The following SLC7A14 variants were observed in gnomAD, a reference collection of about 807,000 sequenced individuals.
SLC7A14 encodes the protein solute carrier family 7 member 14, also known as gamma-aminobutyric acid transporter SLC7A14.
In SLC7A14, 37 loss-of-function variants were observed where a neutral mutation model predicts 60.2. The ratio of observed to expected loss-of-function variants is 0.61; its 90% confidence interval spans 0.47 to 0.81. The LOEUF (loss-of-function observed/expected upper bound fraction) is 0.81. Ranked by LOEUF, SLC7A14 falls within the 30% of genes least tolerant of loss-of-function variation. The probability of loss-of-function intolerance (pLI) is 0.00; values close to 1 mark genes in which losing one functional copy is unlikely to be tolerated. For synonymous variants in SLC7A14, 399 were observed against 395.8 expected (o/e 1.01, Z -0.10); for missense variants, 886 against 982.7 (o/e 0.90, Z 1.32).
chr3:170,582,143 C>T (rs1356729995), intron 1 of SLC7A14, among the ~76,000 whole-genome samples: 1 of 152,126 alleles, frequency 6.6e-6, no homozygotes, highest in African/African-American at 2.4e-5. Context: ...GCCTAATTGT[C>T]CTAGGTATCT....
intron 1 of SLC7A14, among the ~76,000 whole-genome samples, chr3:170,571,879 T>C (rs1714964642): frequency 6.6e-6 from 1 of 151,430 alleles, no homozygotes; most frequent in African/African-American, 2.4e-5. Context: ...GCCAATATGG[T>C]GAAACCCCAT....
Position 170,524,128 on chromosome 3 carries a change from G to C in SLC7A14, c.304+2505C>G, listed in dbSNP as rs75580511. ...GGCCTCAATTACTGGGCAGGACCAGGGTCTTTAGTGGAGGTGGCCTAGTGA... is the reference window on the plus strand; with the variant it reads ...GGCCTCAATTACTGGGCAGGACCAGCGTCTTTAGTGGAGGTGGCCTAGTGA... On this transcript the variant is annotated intron_variant, in intron 2 of 7. Transcript: ENST00000231706. 3.9e-3 allele frequency among the ~76,000 whole-genome samples: 595 copies of C among 152,228 alleles called. 3 individuals carry two copies. The highest frequency in any genetic ancestry group is 6.8e-3 in the Non-Finnish European group (460 of 68,012).
chr3:170,523,944 T>G (rs1183734908), intron 2 of SLC7A14, among the ~76,000 whole-genome samples: 1 of 152,174 alleles, frequency 6.6e-6, no homozygotes, highest in Non-Finnish European at 1.5e-5. Context: ...GTTATGATAT[T>G]TTGGTCCTGG....
At chr3:170,512,338 CA>C (rs1290036729) in intron 2 of SLC7A14, among the ~76,000 whole-genome samples, 8 of 152,162 alleles carry the variant, frequency 5.3e-5, no homozygotes, top group Non-Finnish European at 1.2e-4. Context: ...GGAGCCACAG[CA>C]AATCTTTCAT....
intron 1 of SLC7A14, among the ~76,000 whole-genome samples, chr3:170,537,121 A>G (rs928859664): frequency 1.3e-5 from 2 of 152,212 alleles, no homozygotes; most frequent in African/African-American, 4.8e-5. Context: ...ACAAATGGCT[A>G]CAAATGTAGT....
intron 1 of SLC7A14, among the ~76,000 whole-genome samples, chr3:170,562,078 T>C (rs940354146): frequency 2.6e-5 from 4 of 152,180 alleles, no homozygotes; most frequent in Non-Finnish European, 4.4e-5. Flanking sequence ...TGGAAAACAG[T>C]GTGGAGATTC....
At position 170,561,130 on chromosome 3, in the gene SLC7A14, G is replaced by A. The variant is rs185545541; in HGVS notation, c.-153+24781C>T. Among the ~76,000 whole-genome samples the A allele has an allele frequency of 2.9e-3, 435 of 152,138 alleles. 2 individuals are homozygous for A. The highest frequency in any genetic ancestry group is 4.8e-3 in the South Asian group (23 of 4,812). ...TCTCCTCATTCTCTGGTTCTAAACT[G>A]GTATGACTACTACTTCTGATAATGC... On this transcript the variant is annotated intron_variant, in intron 1 of 7. Coordinates refer to ENST00000231706, the MANE Select transcript of SLC7A14 (RefSeq NM_020949.3).
chr3:170,513,811 A>G (rs1713062854), intron 2 of SLC7A14, among the ~76,000 whole-genome samples: 1 of 152,162 alleles, frequency 6.6e-6, no homozygotes. Context: ...GTTGGCCTTC[A>G]TCACACCCCA....
At chr3:170,533,215 A>G (rs540128055) in intron 1 of SLC7A14, among the ~76,000 whole-genome samples, 55 of 152,254 alleles carry the variant, frequency 3.6e-4, no homozygotes, top group African/African-American at 1.1e-3. Flanking sequence ...TGTTTGCACC[A>G]TAACTGGGGA....
At chr3:170,542,627 C>G (rs1314655390) in intron 1 of SLC7A14, among the ~76,000 whole-genome samples, 1 of 152,216 alleles carries the variant, frequency 6.6e-6, no homozygotes, top group Non-Finnish European at 1.5e-5. Flanking sequence ...TGTTCAAGTC[C>G]TCCTTCTTAA....
In SLC7A14 at chr3:170,467,112, G is replaced by C. The variant is rs1200356300; in HGVS notation, c.2259C>G (p.His753Gln). 2 of 1,614,058 alleles carry C rather than the reference G, an allele frequency of 1.2e-6. No individual in the cohort carries two copies. The highest frequency in any genetic ancestry group is 1.7e-6 in the Non-Finnish European group (2 of 1,180,052). ...CAATCAGGGCCTCTGAGTTCTGTTT[G>C]TGTTTGCTTTTGCTCTTCGCTTTGC... is the stretch of plus-strand genomic sequence containing the variant. The part of the protein sequence containing the change: ...TSSKAKSKSK[H>Q]KQNSEALIAN... The change falls in exon 8 of 8, where the codon CAC becomes CAG. Residue 753 changes from histidine to glutamine, a missense_variant. Transcript: ENST00000231706.
intron 2 of SLC7A14, among the ~76,000 whole-genome samples, chr3:170,515,170 C>T (rs1055918265): frequency 1.3e-5 from 2 of 151,772 alleles, no homozygotes; most frequent in African/African-American, 4.8e-5. Flanking sequence ...AAAATTATCC[C>T]TGCAGGGTGG....
chr3:170,511,999 T>C (rs1425703316), intron 2 of SLC7A14, among the ~76,000 whole-genome samples: 2 of 152,208 alleles, frequency 1.3e-5, no homozygotes, highest in Non-Finnish European at 2.9e-5. Flanking sequence ...AAAGGCTTTG[T>C]GCAGAAAAGG....
At chr3:170,537,874 T>C (rs1039533868) in intron 1 of SLC7A14, among the ~76,000 whole-genome samples, 1 of 152,180 alleles carries the variant, frequency 6.6e-6, no homozygotes, top group African/African-American at 2.4e-5. Flanking sequence ...TATAATGTTA[T>C]CCCAGGCTTG....
intron 7 of SLC7A14, among the ~76,000 whole-genome samples, chr3:170,475,706 C>T (rs1711590847): frequency 6.6e-6 from 1 of 151,742 alleles, no homozygotes; most frequent in African/African-American, 2.4e-5. Context: ...GGGTGGAGTT[C>T]AAAAATCACA....
intron 7 of SLC7A14, 90 bp from the exon 8 acceptor site, chr3:170,467,467 A>C: frequency 3.8e-6 from 2 of 532,686 alleles, no homozygotes; most frequent in Non-Finnish European, 5.2e-6. Flanking sequence ...GATGAAATCA[A>C]AGCTGGCGGG....
chr3:170,565,981 C>T (rs1714777295), intron 1 of SLC7A14, among the ~76,000 whole-genome samples: 1 of 152,138 alleles, frequency 6.6e-6, no homozygotes, highest in South Asian at 2.1e-4. Flanking sequence ...ATGATTCATG[C>T]AATGCATCCT....
chr3:170,496,959 G>A (rs1223369418), intron 4 of SLC7A14, among the ~76,000 whole-genome samples: 2 of 152,078 alleles, frequency 1.3e-5, no homozygotes, highest in Non-Finnish European at 2.9e-5. Flanking sequence ...TGCTGTGCAG[G>A]GGAGCACAGG....
At chr3:170,575,824 T>C (rs1050231723) in intron 1 of SLC7A14, among the ~76,000 whole-genome samples, 5 of 152,218 alleles carry the variant, frequency 3.3e-5, no homozygotes, top group Admixed American at 1.3e-4. Flanking sequence ...AGTTACAAGA[T>C]TGGACTCCAT....
Sources: allele counts gnomAD v4.1 joint callset (sites outside exome capture counted in the v4.1 genomes callset), GRCh38; gene constraint gnomAD v4.1.1; transcripts MANE v1.5; gene names NCBI Gene and HGNC (gene_info 2026-07-23, HGNC 2026-07-21).